The following CAMTA1 variants were observed in gnomAD, a reference collection of about 807,000 sequenced individuals.
CAMTA1 encodes calmodulin-binding transcription activator 1.
CAMTA1 carries 27 observed loss-of-function variants against 170.9 expected under a neutral mutation model. The ratio of observed to expected loss-of-function variants is 0.16; its 90% CI spans 0.12 to 0.22. CAMTA1 has a LOEUF of 0.22. CAMTA1 is among the 10% of genes least tolerant of loss of function. The probability of loss-of-function intolerance (pLI) is 1.00; values close to 1 mark genes in which losing one functional copy is unlikely to be tolerated. For synonymous variants in CAMTA1, 833 were observed against 891.5 expected, an observed-to-expected ratio of 0.93 and a Z score of 1.17; for missense variants, 1,619 against 2,217.2, an observed-to-expected ratio of 0.73 and a Z score of 5.42.
At chr1:7,730,250 A>G (rs1577244960) in intron 11 of CAMTA1, among the ~76,000 whole-genome samples, 3 of 152,196 alleles carry the variant, frequency 2.0e-5, no homozygotes, top group Non-Finnish European at 4.4e-5. Flanking sequence ...AGGGCTCTGC[A>G]CAGCCATTCA....
chr1:7,326,870 T>C (rs2149715389), intron 5 of CAMTA1, among the ~76,000 whole-genome samples: 2 of 152,140 alleles, frequency 1.3e-5, no homozygotes, highest in East Asian at 1.9e-4. Context: ...CTGAGGCTTG[T>C]CAGGGACATA....
At chr1:7,106,718 C>T (rs1643625193) in intron 4 of CAMTA1, among the ~76,000 whole-genome samples, 1 of 152,048 alleles carries the variant, frequency 6.6e-6, no homozygotes, top group Non-Finnish European at 1.5e-5. Flanking sequence ...CTTGTTTGCT[C>T]TGAGGAAGTT....
At chr1:7,349,322 C>T (rs2084468165) in intron 5 of CAMTA1, among the ~76,000 whole-genome samples, 1 of 152,206 alleles carries the variant, frequency 6.6e-6, no homozygotes, top group South Asian at 2.1e-4. Context: ...CTGTTAATTA[C>T]CACCTTATGA....
chr1:6,860,388 G>A (rs912812693), intron 3 of CAMTA1, among the ~76,000 whole-genome samples: 11 of 152,072 alleles, frequency 7.2e-5, no homozygotes, highest in African/African-American at 2.7e-4. Flanking sequence ...CAAATAAGAT[G>A]GTTATTATTG....
rs1426673625 is a variant in CAMTA1, at chr1:7,224,215, C to T, written c.303-25276C>T. Among the ~76,000 whole-genome samples, 2 of 152,204 alleles carry T rather than the reference C, an allele frequency of 1.3e-5. No individual in the cohort carries two copies. The highest frequency in any genetic ancestry group is 2.9e-5 in the Non-Finnish European group (2 of 68,030). On this transcript the variant is annotated intron_variant, in intron 4 of 22. Coordinates refer to ENST00000303635, the MANE Select transcript of CAMTA1 (RefSeq NM_015215.4). This position sits in a 1 kb window ranked among gnomAD's most constrained non-coding sequence, Gnocchi z 5.2. ...GCCAGGTGGAGGCCTTAGGTCTTGT[C>T]AGTCTCCTTTTACTGCAGGAGAGGC...
chr1:6,923,525 C>T (rs1370884092), intron 3 of CAMTA1, among the ~76,000 whole-genome samples: 3 of 152,196 alleles, frequency 2.0e-5, no homozygotes, highest in African/African-American at 4.8e-5. Flanking sequence ...GGCTCAGTGC[C>T]GGCAGCCCTC....
intron 5 of CAMTA1, among the ~76,000 whole-genome samples, chr1:7,253,886 C>T (rs1316792708): frequency 6.6e-6 from 1 of 152,068 alleles, no homozygotes; most frequent in Non-Finnish European, 1.5e-5. Context: ...TTCTATCCAC[C>T]TAGTATGGCA....
chr1:7,688,761 C>T (rs1029403291), intron 11 of CAMTA1, among the ~76,000 whole-genome samples: 7 of 152,204 alleles, frequency 4.6e-5, no homozygotes, highest in African/African-American at 1.4e-4. Flanking sequence ...TCTGACCCTT[C>T]TGAGCAGCCC....
At chr1:7,161,055 C>T (rs1450700751) in intron 4 of CAMTA1, among the ~76,000 whole-genome samples, 1 of 152,212 alleles carries the variant, frequency 6.6e-6, no homozygotes, top group Non-Finnish European at 1.5e-5. Context: ...TGCTCCCTCT[C>T]TTGCCCTCCT....
intron 6 of CAMTA1, among the ~76,000 whole-genome samples, chr1:7,509,462 A>G (rs2094170117): frequency 6.6e-6 from 1 of 152,184 alleles, no homozygotes; most frequent in Non-Finnish European, 1.5e-5. Flanking sequence ...CAGGCTTTAT[A>G]GTCCACAGAC....
At chr1:7,016,665 C>T (rs986835230) in intron 3 of CAMTA1, among the ~76,000 whole-genome samples, 1 of 152,138 alleles carries the variant, frequency 6.6e-6, no homozygotes, top group Admixed American at 6.5e-5. Flanking sequence ...GAAACCCCAT[C>T]TCTACCAACA....
chr1:7,215,548 C>T (rs1659605166), intron 4 of CAMTA1, among the ~76,000 whole-genome samples: 1 of 152,300 alleles, frequency 6.6e-6, no homozygotes, highest in East Asian at 1.9e-4. Flanking sequence ...CACACACCAC[C>T]ACACCTGGCT....
rs113704658 is a variant in CAMTA1, at chr1:7,667,234, C to T, written c.2652+2035C>T. On this transcript the variant is annotated intron_variant, in intron 9 of 22. Transcript: ENST00000303635. ...GTGACTCTGAGCTCAATGGCACCTT[C>T]GGAGTGCCCACCACACCCCCCACCC... Among the ~76,000 whole-genome samples, 88 of 152,170 alleles carry T rather than the reference C, an allele frequency of 5.8e-4. 1 individual carries two copies. Among genetic ancestry groups the T allele is most frequent in the African/African-American group, 1.9e-3 (80 of 41,512 alleles).
chr1:7,501,589 G>A (rs1401140976), intron 6 of CAMTA1, among the ~76,000 whole-genome samples: 1 of 150,502 alleles, frequency 6.6e-6, no homozygotes, highest in Non-Finnish European at 1.5e-5. Context: ...GTAGATGCCT[G>A]GTTACTTTTG....
chr1:7,132,574 G>A (rs1645325541), intron 4 of CAMTA1, among the ~76,000 whole-genome samples: 1 of 152,204 alleles, frequency 6.6e-6, no homozygotes, highest in South Asian at 2.1e-4. Context: ...GGCCAGGGTT[G>A]GTGGCTCCTG....
In CAMTA1 at chr1:6,824,312, G is replaced by A. The variant is rs574323985; in HGVS notation, c.116-780G>A. ...GAGTGAAAAAATAAATGATATGTAA[G>A]CAAACAAATGAGTGAAATAAATGTT... On this transcript the variant is annotated intron_variant, in intron 2 of 22. Transcript: ENST00000303635. Among the ~76,000 whole-genome samples, 18 of 152,170 alleles carry A rather than the reference G, an allele frequency of 1.2e-4. No homozygotes were observed. In the South Asian group the frequency reaches 3.7e-3, roughly 31 times the overall value.
At chr1:7,329,943 A>G (rs2082918283) in intron 5 of CAMTA1, among the ~76,000 whole-genome samples, 1 of 152,210 alleles carries the variant, frequency 6.6e-6, no homozygotes, top group Non-Finnish European at 1.5e-5. Flanking sequence ...TCTCTCCCAC[A>G]GACCCTCCAG....
intron 3 of CAMTA1, among the ~76,000 whole-genome samples, chr1:7,000,176 C>T (rs1698007405): frequency 6.6e-6 from 1 of 152,196 alleles, no homozygotes; most frequent in African/African-American, 2.4e-5. Flanking sequence ...GGGAGCTGGG[C>T]CACCGAAAGC....
At chr1:7,677,101 G>A (rs1038127494) in intron 10 of CAMTA1, among the ~76,000 whole-genome samples, 1 of 152,130 alleles carries the variant, frequency 6.6e-6, no homozygotes, top group African/African-American at 2.4e-5. Flanking sequence ...CCTTCATCGG[G>A]GAAGCAGAAG....
Sources: allele counts gnomAD v4.1 joint callset (sites outside exome capture counted in the v4.1 genomes callset), GRCh38; gene constraint gnomAD v4.1.1; non-coding constraint Gnocchi (gnomAD v3.1); transcripts MANE v1.5; gene names NCBI Gene and HGNC (gene_info 2026-07-23, HGNC 2026-07-21).